Variants in RDX observed in about 807,000 individuals in gnomAD.
The protein encoded by RDX is deafness, autosomal recessive 24.
RDX carries 32 observed loss-of-function variants against 83.7 expected under a neutral mutation model. The observed-to-expected ratio is 0.38, with a 90% confidence interval of 0.29 to 0.51. The LOEUF (loss-of-function observed/expected upper bound fraction) is 0.51, where lower values mean the gene tolerates loss of function less well. RDX is among the 20% of genes least tolerant of loss of function. The probability of loss-of-function intolerance (pLI) is 0.87; values close to 1 mark genes in which losing one functional copy is unlikely to be tolerated. For synonymous variants in RDX, 229 were observed against 222.7 expected, an observed-to-expected ratio of 1.03 and a Z score of -0.25; for missense variants, 600 against 689.9, an observed-to-expected ratio of 0.87 and a Z score of 1.46.
intron 1 of RDX, among the ~76,000 whole-genome samples, chr11:110,281,892 G>A (rs1860777110): frequency 6.8e-6 from 1 of 146,620 alleles, no homozygotes; most frequent in South Asian, 2.2e-4. Context: ...CTTGAGCCCA[G>A]GAGTTTGAGA....
rs540346418 is a variant in RDX at position 110,200,608 on chromosome 11, G to A, written c.1749-930C>T. ...GTGGGCTGTTTCCCATGGAAACCACGTCATGAAGAGTGATTTTGTTTCTAG... is the reference window on the plus strand; with the variant it reads ...GTGGGCTGTTTCCCATGGAAACCACATCATGAAGAGTGATTTTGTTTCTAG... On this transcript the variant is annotated intron_variant, in intron 14 of 15. Transcript: ENST00000528498. 4.6e-5 allele frequency among the ~76,000 whole-genome samples: 7 copies of A among 152,290 alleles called. No individual in the cohort carries two copies. In the South Asian group the frequency reaches 1.2e-3, roughly 27 times the overall value.
rs570849275 is a variant in RDX at position 110,272,552 on chromosome 11, T to C, written c.80A>G (p.Lys27Arg). ...GTGTAATACCTGGTCAAAAAGTTGTTTGCCAGTTGTATTGGGCTGAATGGC... is the reference window on the plus strand; with the variant it reads ...GTGTAATACCTGGTCAAAAAGTTGTCTGCCAGTTGTATTGGGCTGAATGGC... ...EFAIQPNTTGKQLFDQVVKTV... is the reference protein window; with the variant it reads ...EFAIQPNTTGRQLFDQVVKTV... The change falls in exon 3 of 14, where the codon AAA (lysine) becomes AGA (arginine). Residue 27 changes from lysine to arginine, a missense_variant. Transcript: ENST00000645495. 9 of 1,611,544 alleles carry C rather than the reference T, an allele frequency of 5.6e-6. No individual in the cohort carries two copies. The highest frequency in any genetic ancestry group is 3.3e-5 in the South Asian group (3 of 90,796).
intron 3 of RDX, among the ~76,000 whole-genome samples, chr11:110,272,304 T>C (rs1860338772): frequency 6.6e-6 from 1 of 152,188 alleles, no homozygotes; most frequent in East Asian, 1.9e-4. Context: ...AAATGTTAAA[T>C]AAATACCTGC....
At chr11:110,274,286 G>T (rs774890197) in intron 2 of RDX, among the ~76,000 whole-genome samples, 2 of 152,002 alleles carry the variant, frequency 1.3e-5, no homozygotes, top group Non-Finnish European at 2.9e-5. Context: ...ACTGTTATTT[G>T]TTCTTTGTAA....
At chr11:110,262,928 C>A (rs555256974) in intron 5 of RDX, among the ~76,000 whole-genome samples, 1 of 152,108 alleles carries the variant, frequency 6.6e-6, no homozygotes, top group African/African-American at 2.4e-5. Context: ...TAGATAAGAA[C>A]AATGCACCAG....
intron 7 of RDX, among the ~76,000 whole-genome samples, chr11:110,257,147 A>G (rs1405995006): frequency 1.3e-5 from 2 of 151,494 alleles, no homozygotes; most frequent in African/African-American, 2.4e-5. Flanking sequence ...TAGTACATAT[A>G]CATGTATATG....
At chr11:110,236,414 T>G (rs1232570306) in intron 11 of RDX, 9 of 455,394 alleles carry the variant, frequency 2.0e-5, no homozygotes, top group Non-Finnish European at 3.5e-5. Flanking sequence ...TTCTACAGAC[T>G]AGTTAATCCT....
chr11:110,293,891 T>G (rs530445238), intron 1 of RDX, among the ~76,000 whole-genome samples: 4 of 152,348 alleles, frequency 2.6e-5, no homozygotes, highest in East Asian at 3.9e-4. Context: ...TGGTTAAAAT[T>G]TGACCCCGTT....
chr11:110,194,866 G>A (rs1863170395), intron 15 of RDX, among the ~76,000 whole-genome samples: 1 of 152,144 alleles, frequency 6.6e-6, no homozygotes, highest in South Asian at 2.1e-4. Flanking sequence ...ATATTTTGTG[G>A]GGTTTTTCAG....
Position 110,247,823 on chromosome 11 carries a change from C to G in RDX, c.970G>C (p.Glu324Gln). The G allele has an allele frequency of 6.4e-7, 1 of 1,565,044 alleles. No individual in the cohort carries two copies. Among genetic ancestry groups the G allele is most frequent in the African/African-American group, 1.4e-5 (1 of 73,856 alleles). Residue 324 changes from glutamate to glutamine, a missense_variant, in exon 10 of 14, where the codon GAG (glutamate) becomes CAG (glutamine). Coordinates refer to ENST00000645495, the MANE Select transcript of RDX (RefSeq NM_002906.4). ...HQKQLERAQL[E>Q]NEKKKREIAE... ...ATTTCTCTTTTCTTCTTTTCATTCTCTAATTGTGCCCTTAAAAGGAATTGC... is the reference window on the plus strand; with the variant it reads ...ATTTCTCTTTTCTTCTTTTCATTCTGTAATTGTGCCCTTAAAAGGAATTGC...
intron 14 of RDX, among the ~76,000 whole-genome samples, chr11:110,221,414 A>C (rs964976302): frequency 6.6e-6 from 1 of 152,130 alleles, no homozygotes; most frequent in Non-Finnish European, 1.5e-5. Flanking sequence ...GCTGGCCAAC[A>C]TGGTGAAACC....
intron 15 of RDX, among the ~76,000 whole-genome samples, chr11:110,192,512 AGTGGAAC>A (rs1163578310): frequency 6.6e-6 from 1 of 152,244 alleles, no homozygotes; most frequent in African/African-American, 2.4e-5. Flanking sequence ...AAAATTGACA[AGTGGAAC>A]CTAATTTAAC....
chr11:110,218,254 T>C (rs905818617), intron 14 of RDX, among the ~76,000 whole-genome samples: 82 of 150,980 alleles, frequency 5.4e-4, no homozygotes, highest in Middle Eastern at 3.4e-3. Flanking sequence ...GAAAACACTT[T>C]GCAGAAGACA....
intron 1 of RDX, among the ~76,000 whole-genome samples, chr11:110,284,022 TCTA>T (rs2134434407): frequency 6.6e-6 from 1 of 152,302 alleles, no homozygotes; most frequent in South Asian, 2.1e-4. Context: ...ACACAAATGT[TCTA>T]CTGATTAAAA....
At chr11:110,208,442 G>C (rs1028685232) in intron 14 of RDX, among the ~76,000 whole-genome samples, 14 of 152,010 alleles carry the variant, frequency 9.2e-5, no homozygotes, top group Non-Finnish European at 1.6e-4. Flanking sequence ...TCTTCCCTTT[G>C]ATCCTCAACC....
chr11:110,287,011 T>C (rs898492434), intron 1 of RDX: 5 of 152,178 alleles, frequency 3.3e-5, no homozygotes, highest in African/African-American at 9.7e-5. Flanking sequence ...TTGAGTAATA[T>C]ATATGCTTTT....
At chr11:110,285,712 C>CAAAAAAAAAAAAAAAAAAAAAAAAAAA (rs35030078) in intron 1 of RDX, among the ~76,000 whole-genome samples, 1 of 78,406 alleles carries the variant, frequency 1.3e-5, no homozygotes, top group Non-Finnish European at 2.3e-5. Flanking sequence ...GACTTTGTCT[C>CAAAAAAAAAAAAAAAAAAAAAAAAAAA]AAAAAAAAAA....
chr11:110,253,898 G>C (rs1366115463), intron 9 of RDX, 48 bp downstream of exon 9: 1 of 1,563,558 alleles, frequency 6.4e-7, no homozygotes, highest in Non-Finnish European at 8.8e-7. Context: ...TTAAATTTTA[G>C]ATAGCCTACT....
chr11:110,295,024 G>A (rs1213149023), intron 1 of RDX, among the ~76,000 whole-genome samples: 1 of 152,154 alleles, frequency 6.6e-6, no homozygotes, highest in African/African-American at 2.4e-5. Flanking sequence ...AGCAAAGAAA[G>A]TCACTGCAAT....
Sources: allele counts gnomAD v4.1 joint callset (sites outside exome capture counted in the v4.1 genomes callset), GRCh38; gene constraint gnomAD v4.1.1; transcripts MANE v1.5; gene names NCBI Gene and HGNC (gene_info 2026-07-23, HGNC 2026-07-21).